Variants in PIK3C2G observed in about 807,000 individuals in gnomAD.
PIK3C2G encodes phosphatidylinositol 3-kinase C2 domain-containing subunit gamma.
PIK3C2G carries 168 observed loss-of-function variants against 181.1 expected under a neutral mutation model. That is an observed-to-expected ratio of 0.93 (90% CI 0.82 to 1.05). The LOEUF is 1.05. Among genes scored for constraint, PIK3C2G ranks in the 50% least tolerant of loss-of-function variants. The probability of loss-of-function intolerance (pLI) is 0.00; values close to 1 mark genes in which losing one functional copy is unlikely to be tolerated. For synonymous variants in PIK3C2G, 573 were observed against 592.2 expected, an observed-to-expected ratio of 0.97 and a Z score of 0.47; for missense variants, 1,869 against 1,732.8, an observed-to-expected ratio of 1.08 and a Z score of -1.40.
intron 16 of PIK3C2G, among the ~76,000 whole-genome samples, chr12:18,417,901 C>G (rs762036103): frequency 1.3e-5 from 2 of 151,550 alleles, no homozygotes; most frequent in Non-Finnish European, 2.9e-5. Context: ...ATGCTTTTGA[C>G]GGAGAGAAAA....
chr12:18,345,243 G>T (rs1048917572), intron 10 of PIK3C2G, among the ~76,000 whole-genome samples: 2 of 152,030 alleles, frequency 1.3e-5, no homozygotes, highest in African/African-American at 4.8e-5. Context: ...CTCCAAGTTT[G>T]ATGAGGCCTC....
At chr12:18,412,077 C>T (rs1944897043) in intron 16 of PIK3C2G, among the ~76,000 whole-genome samples, 1 of 152,056 alleles carries the variant, frequency 6.6e-6, no homozygotes, top group Admixed American at 6.6e-5. Context: ...CCTAAATCCT[C>T]TGGATATTCC....
At chr12:18,498,972 T>C (rs1565451727) in intron 22 of PIK3C2G, among the ~76,000 whole-genome samples, 1 of 152,218 alleles carries the variant, frequency 6.6e-6, no homozygotes, top group East Asian at 1.9e-4. Context: ...AATAGAATAA[T>C]GCTACATAAT....
At chr12:18,457,652 TATAAA>T (rs1947702750) in intron 18 of PIK3C2G, among the ~76,000 whole-genome samples, 1 of 152,132 alleles carries the variant, frequency 6.6e-6, no homozygotes, top group Non-Finnish European at 1.5e-5. Flanking sequence ...CTTCAATCTC[TATAAA>T]ATAAGAATGA....
chr12:18,325,182 A>C (rs1239096083), intron 8 of PIK3C2G, 84 bp downstream of exon 8: 1 of 710,314 alleles, frequency 1.4e-6, no homozygotes, highest in Non-Finnish European at 2.4e-6. Flanking sequence ...GCAAATTTTG[A>C]AGATGACAAA....
chr12:18,388,812 T>C (rs1255670018), intron 14 of PIK3C2G, among the ~76,000 whole-genome samples: 1 of 152,150 alleles, frequency 6.6e-6, no homozygotes, highest in Non-Finnish European at 1.5e-5. Context: ...TGAAGCAAGA[T>C]GGATAAATGG....
At chr12:18,305,708 T>TAAATAAA (rs1313636982) in intron 5 of PIK3C2G, among the ~76,000 whole-genome samples, 1 of 152,108 alleles carries the variant, frequency 6.6e-6, no homozygotes, top group Non-Finnish European at 1.5e-5. Context: ...TCATTTATTG[T>TAAATAAA]TTTTTATTTG....
intron 18 of PIK3C2G, among the ~76,000 whole-genome samples, chr12:18,468,769 T>A (rs1260681871): frequency 2.0e-5 from 3 of 152,102 alleles, no homozygotes; most frequent in Non-Finnish European, 4.4e-5. Context: ...TAAAAAATAA[T>A]GACTGTAAGT....
intron 1 of PIK3C2G, among the ~76,000 whole-genome samples, chr12:18,263,093 G>A (rs559566495): frequency 6.6e-6 from 1 of 152,140 alleles, no homozygotes; most frequent in South Asian, 2.1e-4. Context: ...GAGTTTTTCA[G>A]CTATAAAATA....
chr12:18,559,776 TTATATATATATATATA>T lies in PIK3C2G; in HGVS notation c.3591-2896_3591-2881del, dbSNP rs369459549. On this transcript the variant is annotated intron_variant, in intron 26 of 32. Coordinates refer to ENST00000538779, the MANE Select transcript of PIK3C2G (RefSeq NM_001288772.2). The stretch of plus-strand genomic sequence containing the variant: ...ATATCTCAGAATGTATTGTATGAAA[TTATATATATATATATA>T]TATATATATATATATATATATATAT... Among the ~76,000 whole-genome samples the T allele has an allele frequency of 4.8e-3, 206 of 42,704 alleles. 4 individuals carry two copies. Among genetic ancestry groups the T allele is most frequent in the African/African-American group, 0.016 (151 of 9,652 alleles). The allele number at this position is 42,704 out of a possible 152,430, so 28.0% of individuals were successfully genotyped here.
the PIK3C2G span, among the ~76,000 whole-genome samples, chr12:18,697,174 G>A: frequency 6.6e-6 from 1 of 152,032 alleles, no homozygotes; most frequent in Admixed American, 6.6e-5. Context: ...CATCATGGGA[G>A]AATGGTTACT....
chr12:18,472,348 GTTCT>G (rs1565759623), intron 18 of PIK3C2G, among the ~76,000 whole-genome samples: 1 of 152,014 alleles, frequency 6.6e-6, no homozygotes, highest in African/African-American at 2.4e-5. Flanking sequence ...GTCCAAAGAC[GTTCT>G]TTAACTAGCT....
chr12:18,319,249 T>G (rs1237511644), intron 6 of PIK3C2G, among the ~76,000 whole-genome samples: 2 of 152,162 alleles, frequency 1.3e-5, no homozygotes, highest in Non-Finnish European at 2.9e-5. Context: ...TATGCCAACG[T>G]TGTAGAATCA....
At chr12:18,497,285 G>A (rs764348188) in intron 21 of PIK3C2G, among the ~76,000 whole-genome samples, 1 of 152,090 alleles carries the variant, frequency 6.6e-6, no homozygotes, top group Non-Finnish European at 1.5e-5. Flanking sequence ...TTTGAAATTT[G>A]AATAAACATT....
At chr12:18,373,205 A>T (rs1565649185) in intron 13 of PIK3C2G, among the ~76,000 whole-genome samples, 2 of 152,178 alleles carry the variant, frequency 1.3e-5, no homozygotes, top group South Asian at 2.1e-4. Flanking sequence ...TTTGATGCAG[A>T]TATTTCCAGA....
At chr12:18,298,065 T>TA (rs1372442734) in intron 5 of PIK3C2G, among the ~76,000 whole-genome samples, 1 of 152,016 alleles carries the variant, frequency 6.6e-6, no homozygotes, top group Non-Finnish European at 1.5e-5. Context: ...CTGAATTGCA[T>TA]GGTAGTTCTA....
At chr12:18,683,755 A>G in the PIK3C2G span, 1 of 625,796 alleles carries the variant, frequency 1.6e-6, no homozygotes, top group Non-Finnish European at 2.6e-6. Flanking sequence ...GGATAGTCTC[A>G]GGCTCCCAAT....
intron 24 of PIK3C2G, among the ~76,000 whole-genome samples, chr12:18,512,626 T>G (rs1424705421): frequency 6.6e-6 from 1 of 152,010 alleles, no homozygotes; most frequent in Non-Finnish European, 1.5e-5. Context: ...GAAATGCTAC[T>G]GATTTTTGTA....
At chr12:18,612,372 C>A (rs1180457793) in intron 31 of PIK3C2G, among the ~76,000 whole-genome samples, 1 of 152,084 alleles carries the variant, frequency 6.6e-6, no homozygotes, top group Non-Finnish European at 1.5e-5. Context: ...TTTAACCTTT[C>A]TTTTCTACTT....
Sources: allele counts gnomAD v4.1 joint callset (sites outside exome capture counted in the v4.1 genomes callset), GRCh38; gene constraint gnomAD v4.1.1; transcripts MANE v1.5; gene names NCBI Gene and HGNC (gene_info 2026-07-23, HGNC 2026-07-21).